The following CD8B variants were observed in gnomAD, a reference collection of about 807,000 sequenced individuals.
CD8B encodes the protein T-cell surface glycoprotein CD8 beta chain.
Under a neutral mutation model 24.2 loss-of-function variants are expected in CD8B, and 6 were observed. The ratio of observed to expected loss-of-function variants is 0.25; its 90% confidence interval spans 0.14 to 0.49. The LOEUF is 0.49. Among genes scored for constraint, CD8B ranks in the 20% least tolerant of loss-of-function variants. The pLI is 0.98. For missense variants in CD8B, 196 were observed against 271.3 expected (o/e 0.72, Z 1.95); for synonymous variants, 84 against 108.3 (o/e 0.78, Z 1.39).
rs1390859940 is a variant in CD8B at position 86,852,904 on chromosome 2, T to C, written c.493+93A>G. 7.7e-6 allele frequency: 11 copies of C among 1,435,678 alleles called. No individual in the cohort carries two copies. The South Asian group carries it at 1.3e-4, about 17-fold the overall frequency. The allele number at this position is 1,435,678 out of a possible 1,614,324, so 88.9% of individuals were successfully genotyped here. A position where few individuals can be genotyped will look rare whatever the true frequency, so the allele number is the denominator to read the frequency against. On this transcript the variant is annotated intron_variant, in intron 3 of 5. Transcript: ENST00000390655. Reference sequence around the variant, plus strand: ...GGGAGATAGGCTCTAGAGTTGACACTTGGAAAGTGCCTGGGGAAGGAAGGA... The same window carrying C: ...GGGAGATAGGCTCTAGAGTTGACACCTGGAAAGTGCCTGGGGAAGGAAGGA...
At chr2:86,818,977 A>G (rs1374692134) in intron 5 of CD8B, among the ~76,000 whole-genome samples, 1 of 152,222 alleles carries the variant, frequency 6.6e-6, no homozygotes, top group East Asian at 1.9e-4. Context: ...TATTGCTGAT[A>G]TGGAGAGAGT....
At chr2:86,855,526 C>T (rs964804908) in intron 2 of CD8B, among the ~76,000 whole-genome samples, 1 of 152,218 alleles carries the variant, frequency 6.6e-6, no homozygotes, top group Admixed American at 6.5e-5. Flanking sequence ...ATTCTAGAAC[C>T]TGTGCTTCTC....
chr2:86,826,097 A>G (rs902085358), intron 5 of CD8B, among the ~76,000 whole-genome samples: 1 of 151,858 alleles, frequency 6.6e-6, no homozygotes, highest in Non-Finnish European at 1.5e-5. Context: ...TTTGTCTTAT[A>G]TTGATGTACC....
At position 86,839,810 on chromosome 2, in the gene CD8B, G is replaced by A. The variant is rs566871527; in HGVS notation, c.*2497C>T. On this transcript the variant is annotated 3_prime_UTR_variant, in exon 6 of 6. Transcript: ENST00000390655. ...TGTTCTTACTTCCGCTGTGCACTGGGTGTGAGCCTTCAAGGAGGGCAGACC... is the reference window on the plus strand; with the variant it reads ...TGTTCTTACTTCCGCTGTGCACTGGATGTGAGCCTTCAAGGAGGGCAGACC... Among the ~76,000 whole-genome samples, 15 of 152,362 alleles carry A rather than the reference G, an allele frequency of 9.8e-5. No individual in the cohort carries two copies. The highest frequency in any genetic ancestry group is 8.3e-4 in the South Asian group (4 of 4,832).
At chr2:86,852,329 T>C (rs2104567362) in intron 3 of CD8B, among the ~76,000 whole-genome samples, 1 of 152,386 alleles carries the variant, frequency 6.6e-6, no homozygotes, top group South Asian at 2.1e-4. Flanking sequence ...AACAGCTTTA[T>C]TGAGTTATAA....
chr2:86,843,677 G>T, intron 5 of CD8B: 1 of 985,326 alleles, frequency 1.0e-6, no homozygotes, highest in Non-Finnish European at 1.2e-6. Flanking sequence ...TGCTGCACTT[G>T]CAGAGTGGAA....
intron 5 of CD8B, among the ~76,000 whole-genome samples, chr2:86,816,805 T>A (rs1023503582): frequency 1.3e-5 from 2 of 152,254 alleles, no homozygotes; most frequent in Admixed American, 1.3e-4. Flanking sequence ...AGGCACAGAA[T>A]TTCTTGGTCA....
chr2:86,857,642 C>T (rs1357186518), intron 2 of CD8B, among the ~76,000 whole-genome samples: 3 of 152,092 alleles, frequency 2.0e-5, no homozygotes, highest in African/African-American at 7.2e-5. Flanking sequence ...ATCACTTGAA[C>T]CCGGGAAGCA....
At chr2:86,856,256 C>T (rs564649068) in intron 2 of CD8B, among the ~76,000 whole-genome samples, 122 of 152,168 alleles carry the variant, frequency 8.0e-4, no homozygotes, top group Admixed American at 1.4e-3. Flanking sequence ...GGGATGGAGG[C>T]GGTGGGAAGC....
rs1282404663 is a variant in CD8B, at chr2:86,847,856, G to A, written c.494-1083C>T. Among the ~76,000 whole-genome samples the A allele has an allele frequency of 7.2e-5, 11 of 152,282 alleles. 1 individual carries two copies. The highest frequency in any genetic ancestry group is 2.4e-4 in the African/African-American group (10 of 41,568). ...GCTGGGATTACAGGTGTGAGCTACCGCAACTGGCCTTAAATACATATAGTT... is the reference window on the plus strand; with the variant it reads ...GCTGGGATTACAGGTGTGAGCTACCACAACTGGCCTTAAATACATATAGTT... On this transcript the variant is annotated intron_variant, in intron 3 of 5. Transcript: ENST00000390655.
intron 5 of CD8B, among the ~76,000 whole-genome samples, chr2:86,829,095 C>CTTGTTTTTTT (rs1674804725): frequency 1.2e-5 from 1 of 82,992 alleles, no homozygotes; most frequent in Non-Finnish European, 2.2e-5. Context: ...ATGCTCTTTA[C>CTTGTTTTTTT]TTTTTTTTTT....
intron 5 of CD8B, among the ~76,000 whole-genome samples, chr2:86,843,966 G>C (rs1312632612): frequency 6.6e-6 from 1 of 152,278 alleles, no homozygotes; most frequent in African/African-American, 2.4e-5. Flanking sequence ...GTGTACTTTT[G>C]CTCCCCCAAA....
downstream of CD8B, among the ~76,000 whole-genome samples, chr2:86,834,688 G>C (rs1675099435): frequency 6.6e-6 from 1 of 152,156 alleles, no homozygotes; most frequent in African/African-American, 2.4e-5. Flanking sequence ...TGAAATCTCA[G>C]CACTTTGGGA....
Position 86,842,175 on chromosome 2 carries a change from G to A in CD8B, c.*132C>T. On this transcript the variant is annotated 3_prime_UTR_variant, in exon 6 of 6. Transcript: ENST00000390655. ...TCACACACAGAAAGGCCTTGCAGCA[G>A]TGAAAAGCAGGCAGCTTCAGCAGCC... The A allele has an allele frequency of 6.7e-7, 1 of 1,491,000 alleles. No individual in the cohort carries two copies. Among genetic ancestry groups the A allele is most frequent in the Non-Finnish European group, 8.9e-7 (1 of 1,120,890 alleles). The allele number at this position is 1,491,000 out of a possible 1,614,324, so 92.4% of individuals were successfully genotyped here. A position where few individuals can be genotyped will look rare whatever the true frequency, so the allele number is the denominator to read the frequency against.
chr2:86,844,533 T>C (rs1176898472), intron 5 of CD8B: 1 of 980,258 alleles, frequency 1.0e-6, no homozygotes, highest in Non-Finnish European at 1.4e-6. Context: ...ATTGCTCTCC[T>C]CAGGAGAGCT....
At chr2:86,817,545 T>C (rs1180905004) in intron 5 of CD8B, among the ~76,000 whole-genome samples, 2 of 152,188 alleles carry the variant, frequency 1.3e-5, no homozygotes, top group Non-Finnish European at 2.9e-5. Flanking sequence ...ACTCTGACAT[T>C]ATTTATAAAA....
At chr2:86,854,048 A>C (rs1676111050) in intron 2 of CD8B, among the ~76,000 whole-genome samples, 1 of 151,882 alleles carries the variant, frequency 6.6e-6, no homozygotes, top group African/African-American at 2.4e-5. Flanking sequence ...GCCGACCTAC[A>C]CCCCTGATTA....
In CD8B at chr2:86,838,179, C is replaced by T. The variant is rs1675254458; in HGVS notation, c.*4128G>A. ...TGGCCAGAGGTTCTTTTTTTCCAAA[C>T]TTTTAATTGCTTTTTCCCCAACTAC... On this transcript the variant is annotated 3_prime_UTR_variant, in exon 6 of 6. Transcript: ENST00000390655. Among the ~76,000 whole-genome samples, 1 of 152,104 alleles carries T rather than the reference C, an allele frequency of 6.6e-6. No individual in the cohort carries two copies. The highest frequency in any genetic ancestry group is 1.5e-5 in the Non-Finnish European group (1 of 68,022).
At chr2:86,830,560 CTG>C (rs1293383722) in intron 5 of CD8B, among the ~76,000 whole-genome samples, 1 of 150,898 alleles carries the variant, frequency 6.6e-6, no homozygotes, top group African/African-American at 2.4e-5. Flanking sequence ...GAGTGAGACT[CTG>C]TCTCCAAAAA....
Sources: gnomAD v4.1 joint callset for allele counts (sites outside exome capture counted in the v4.1 genomes callset) on GRCh38, gnomAD v4.1.1 for gene constraint, MANE v1.5 for transcripts, NCBI Gene and HGNC (gene_info 2026-07-23, HGNC 2026-07-21) for gene names.